TTC14: variants seen among roughly 807,000 people sequenced by gnomAD.
The protein encoded by TTC14 is tetratricopeptide repeat protein 14.
Under a neutral mutation model 79.9 loss-of-function variants are expected in TTC14, and 63 were observed. The ratio of observed to expected loss-of-function variants is 0.79; its 90% CI spans 0.64 to 0.97. The LOEUF is 0.97. TTC14 is among the 50% of genes least tolerant of loss of function. TTC14 has a pLI of 0.00. For missense variants in TTC14, 895 were observed against 894.0 expected (o/e 1.00, Z -0.01); for synonymous variants, 335 against 309.6 (o/e 1.08, Z -0.86).
At chr3:180,611,681 T>C (rs562527951), downstream of TTC14, among the ~76,000 whole-genome samples, 2 of 152,318 alleles carry the variant, frequency 1.3e-5, no homozygotes, top group African/African-American at 4.8e-5. Flanking sequence ...ATAGGAGTCA[T>C]AGGTACTGGG....
At chr3:180,617,905 C>A (rs77320124), downstream of TTC14, 11,931 of 155,376 alleles carry the variant, frequency 0.077, 711 homozygotes, top group African/African-American at 0.17. Context: ...ACCACTCACT[C>A]ACTCAGTCAC....
chr3:180,605,376 C>T (rs899765455), intron 6 of TTC14: 10 of 196,052 alleles, frequency 5.1e-5, no homozygotes, highest in East Asian at 1.6e-4. Flanking sequence ...CCTGGGTTCA[C>T]GCCATTCTCC....
At chr3:180,614,779 CT>C (rs201549088), downstream of TTC14, 262 of 660,952 alleles carry the variant, frequency 4.0e-4, no homozygotes, top group South Asian at 7.7e-4. Context: ...GAGAACGTTC[CT>C]TTTTTTTTAA....
Position 180,617,018 on chromosome 3 carries a change from T to G in TTC14, c.1775-362T>G, listed in dbSNP as rs374694505. ...TTTTAGAATCAGAAATTGACTTTTA[T>G]AACTTGTCATTTATCAAGTATTCAT... On this transcript the variant is annotated intron_variant, in intron 12 of 12. Coordinates refer to the TTC14 transcript ENST00000382584. 883 of 966,338 alleles carry G rather than the reference T, an allele frequency of 9.1e-4. 3 individuals carry two copies. Among genetic ancestry groups the G allele is most frequent in the Non-Finnish European group, 1.2e-3 (801 of 677,722 alleles). The allele number at this position is 966,338 out of a possible 1,614,324, so 59.9% of individuals were successfully genotyped here. A position where few individuals can be genotyped will look rare whatever the true frequency, so the allele number is the denominator to read the frequency against.
chr3:180,605,424 C>T (rs1425871220), intron 6 of TTC14: 7 of 214,282 alleles, frequency 3.3e-5, no homozygotes, highest in East Asian at 1.6e-4. Flanking sequence ...TACAGGTGCC[C>T]GCCACCACGC....
In TTC14 at chr3:180,605,816, C is replaced by A; in HGVS notation, c.908C>A (p.Ser303Tyr). Residue 303 changes from serine to tyrosine, a missense_variant, in exon 7 of 12, where the codon TCC becomes TAC. Transcript: ENST00000296015. ...GCTTCTGCATTGAGAAAAAAACAAT[C>A]CGCATCTTGGGCTTTAAAATGGTAT... ...DFASALRKKQSASWALKCVKI... is the reference protein window; with the variant it reads ...DFASALRKKQYASWALKCVKI... The A allele has an allele frequency of 6.4e-7, 1 of 1,573,450 alleles. No individual in the cohort carries two copies. Among genetic ancestry groups the A allele is most frequent in the Non-Finnish European group, 8.6e-7 (1 of 1,168,884 alleles).
At position 180,602,395 on chromosome 3, in the gene TTC14, C is replaced by T. The variant is rs778707391; in HGVS notation, c.134C>T (p.Pro45Leu). ...LGSAAEPARG[P>L]PPQHPLQGRK... ...TCGGCCGCCGAGCCAGCCCGGGGCC[C>T]GCCGCCCCAGCACCCGTTGCAGGGC... The change falls in exon 1 of 12, where the codon CCG becomes CTG. Residue 45 changes from proline to leucine, a missense_variant. Pro to Leu is a moderately conservative substitution (Grantham distance 98). Transcript: ENST00000296015. 6.2e-7 allele frequency: 1 copy of T among 1,608,662 alleles called. No individual in the cohort carries two copies. Among genetic ancestry groups the T allele is most frequent in the African/African-American group, 1.3e-5 (1 of 75,008 alleles).
intron 12 of TTC14, among the ~76,000 whole-genome samples, chr3:180,617,177 C>T (rs1717277866): frequency 6.6e-6 from 1 of 151,976 alleles, no homozygotes; most frequent in South Asian, 2.1e-4. Context: ...CTGAAAAATT[C>T]CTGTTACCTA....
Position 180,609,619 on chromosome 3 carries a change from G to GT in TTC14, c.1401-3dup, listed in dbSNP as rs761828988. 3.5e-5 allele frequency: 53 copies of GT among 1,530,794 alleles called. No individual in the cohort carries two copies. The highest frequency in any genetic ancestry group is 1.3e-4 in the Admixed American group (6 of 44,472). The allele number at this position is 1,530,794 out of a possible 1,614,324, so 94.8% of individuals were successfully genotyped here. A position where few individuals can be genotyped will look rare whatever the true frequency, so the allele number is the denominator to read the frequency against. On this transcript the variant is annotated splice_polypyrimidine_tract_variant and intron_variant, in intron 11 of 11. Coordinates refer to ENST00000296015, the MANE Select transcript of TTC14 (RefSeq NM_133462.4). ...TTTGTATATATATGACAAATGAACTGTTTTTTTTAGGCTAAAGAAGAAAAG... is the reference window on the plus strand; with the variant it reads ...TTTGTATATATATGACAAATGAACTGTTTTTTTTTAGGCTAAAGAAGAAAAG...
intron 12 of TTC14, chr3:180,616,640 A>G: frequency 6.3e-7 from 1 of 1,594,694 alleles, no homozygotes; most frequent in Non-Finnish European, 8.6e-7. Context: ...TTGTTCTTCC[A>G]TTGTTTCATC....
In TTC14 at chr3:180,616,704, A is replaced by G. The variant is rs878855282; in HGVS notation, c.1775-676A>G. 1.3e-6 allele frequency: 2 copies of G among 1,583,068 alleles called. No homozygotes were observed. The highest frequency in any genetic ancestry group is 3.6e-5 in the Admixed American group (2 of 55,350). ...TTTGTGAGTTTTGCACACTGTTGGT[A>G]AATAATAGTCAATTATTCTATAAAC... is the stretch of plus-strand genomic sequence containing the variant. On this transcript the variant is annotated intron_variant, in intron 12 of 12. Transcript: ENST00000382584.
At position 180,608,690 on chromosome 3, in the gene TTC14, G is replaced by T; in HGVS notation, c.1291-11G>T. The T allele has an allele frequency of 6.6e-7, 1 of 1,505,424 alleles. No individual in the cohort carries two copies. Among genetic ancestry groups the T allele is most frequent in the East Asian group, 2.4e-5 (1 of 41,278 alleles). 93.3% of individuals were successfully genotyped at this position (1,505,424 alleles called of 1,614,324 possible). ...AACGTGTGGTTTTTTTCGATATCTGGGTTCTAAAAGAAATCTTTGGAATTA... is the reference window on the plus strand; with the variant it reads ...AACGTGTGGTTTTTTTCGATATCTGTGTTCTAAAAGAAATCTTTGGAATTA... On this transcript the variant is annotated splice_polypyrimidine_tract_variant and intron_variant, in intron 10 of 11. Coordinates refer to ENST00000296015, the MANE Select transcript of TTC14 (RefSeq NM_133462.4).
chr3:180,606,737 AC>A (rs1226591158), intron 9 of TTC14, 134 bp downstream of exon 9: 6 of 1,114,390 alleles, frequency 5.4e-6, no homozygotes, highest in Admixed American at 5.8e-5. Flanking sequence ...ATGGGAAAGT[AC>A]AAGAGATTAG....
intron 3 of TTC14, chr3:180,603,809 AT>A: frequency 4.5e-6 from 1 of 223,678 alleles, no homozygotes; most frequent in South Asian, 6.3e-5. Context: ...ACGATAAAAG[AT>A]TGGGTATTTG....
intron 10 of TTC14, 161 bp downstream of exon 10, chr3:180,607,926 G>C: frequency 7.1e-7 from 1 of 1,398,956 alleles, no homozygotes; most frequent in Non-Finnish European, 9.2e-7. Flanking sequence ...TTGCTTCATA[G>C]TGCCTCTGTT....
At chr3:180,618,147 A>G (rs1454372824), downstream of TTC14, among the ~76,000 whole-genome samples, 1 of 152,180 alleles carries the variant, frequency 6.6e-6, no homozygotes, top group African/African-American at 2.4e-5. Context: ...AGGTTTGTGT[A>G]AGTACACTCT....
chr3:180,615,671 A>G (rs1717203993), downstream of TTC14, among the ~76,000 whole-genome samples: 1 of 152,168 alleles, frequency 6.6e-6, no homozygotes, highest in Non-Finnish European at 1.5e-5. Flanking sequence ...TAGTAATTTA[A>G]TAAGTAGCTG....
In TTC14 at chr3:180,606,395, T is replaced by G. The variant is rs370331470; in HGVS notation, c.1049+23T>G. 2.0e-5 allele frequency: 32 copies of G among 1,613,698 alleles called. 1 individual carries two copies. In the African/African-American group the frequency reaches 3.9e-4, roughly 20 times the overall value. On this transcript the variant is annotated intron_variant, in intron 8 of 11. Transcript: ENST00000296015. ...ATTGTAAGTGAATCATACATGGATT[T>G]TAAGGAATGTTTACCAGGTAAATGC...
chr3:180,608,622 G>T (rs1716820777), intron 10 of TTC14, 79 bp from the exon 11 acceptor site: 1 of 1,374,622 alleles, frequency 7.3e-7, no homozygotes, highest in Non-Finnish European at 9.4e-7. Flanking sequence ...TCTCGTTGGG[G>T]GTGGTCTTTT....
Sources: gnomAD v4.1 joint callset for allele counts (sites outside exome capture counted in the v4.1 genomes callset) on GRCh38, gnomAD v4.1.1 for gene constraint, MANE v1.5 for transcripts, NCBI Gene and HGNC (gene_info 2026-07-23, HGNC 2026-07-21) for gene names.